Variants in COL5A2 observed in about 807,000 individuals in gnomAD.
COL5A2 encodes collagen type V alpha 2 chain.
COL5A2 carries 23 observed loss-of-function variants against 208.2 expected under a neutral mutation model. That is an observed-to-expected ratio of 0.11 (90% CI 0.08 to 0.16). COL5A2 has a LOEUF of 0.16. COL5A2 is among the 10% of genes least tolerant of loss of function. COL5A2 has a pLI of 1.00. For missense variants in COL5A2, 1,590 were observed against 1,956.4 expected (o/e 0.81, Z 3.53); for synonymous variants, 625 against 628.5 (o/e 0.99, Z 0.08).
At chr2:189,178,651 C>G (rs940518598) in intron 1 of COL5A2, among the ~76,000 whole-genome samples, 1 of 143,804 alleles carries the variant, frequency 7.0e-6, no homozygotes, top group Non-Finnish European at 1.5e-5. Flanking sequence ...TATAACCCAA[C>G]TGTAACATAT....
chr2:189,411,020 C>T, the COL5A2 span, among the ~76,000 whole-genome samples: 24 of 152,216 alleles, frequency 1.6e-4, no homozygotes, highest in Non-Finnish European at 1.8e-4. Flanking sequence ...ATTACTCCCT[C>T]CATGTGTCTC....
At chr2:189,290,271 C>T in the COL5A2 span, among the ~76,000 whole-genome samples, 148 of 152,288 alleles carry the variant, frequency 9.7e-4, no homozygotes, top group Middle Eastern at 3.4e-3. Flanking sequence ...GTTTGAACAA[C>T]GACAAAATCA....
Position 189,085,117 on chromosome 2 carries a change from G to A in COL5A2, c.798+43C>T, listed in dbSNP as rs58624621. The A allele has an allele frequency of 1.8e-3, 2,757 of 1,508,712 alleles. 34 individuals are homozygous for A. In the African/African-American group the frequency reaches 0.033, roughly 18 times the overall value. 93.5% of individuals were successfully genotyped at this position (1,508,712 alleles called of 1,614,324 possible). ...TTCTTGTTAACATTTTAACCCCTTC[G>A]CCTCTTCAAAACCTGAATGGAAAAT... On this transcript the variant is annotated intron_variant, in intron 11 of 53. Transcript: ENST00000374866.
chr2:189,385,140 C>A, the COL5A2 span, among the ~76,000 whole-genome samples: 110 of 152,032 alleles, frequency 7.2e-4, no homozygotes, highest in Admixed American at 7.1e-3. Context: ...ACTAACCTCA[C>A]CAATCAGGCA....
chr2:189,389,650 G>T, the COL5A2 span, among the ~76,000 whole-genome samples: 2 of 152,182 alleles, frequency 1.3e-5, no homozygotes, highest in East Asian at 3.9e-4. Context: ...ATCTGTAAAG[G>T]AGTTGTGACA....
At chr2:189,255,434 A>G in the COL5A2 span, among the ~76,000 whole-genome samples, 1 of 152,140 alleles carries the variant, frequency 6.6e-6, no homozygotes, top group African/African-American at 2.4e-5. Context: ...CAACCCCAAC[A>G]TCCAAAATCT....
intron 17 of COL5A2, 110 bp from the exon 18 acceptor site, chr2:189,072,203 C>T (rs1686290661): frequency 2.8e-6 from 2 of 715,354 alleles, no homozygotes; most frequent in East Asian, 2.7e-5. Flanking sequence ...GAATAACCTG[C>T]CTTTCACTTT....
intron 24 of COL5A2, 43 bp from the exon 25 acceptor site, chr2:189,064,698 A>C: frequency 7.4e-7 from 1 of 1,354,738 alleles, no homozygotes; most frequent in Non-Finnish European, 1.1e-6. Context: ...AAGAGTATAG[A>C]AAAACAAAAG....
chr2:189,051,973 A>G (rs1277083878), intron 41 of COL5A2, among the ~76,000 whole-genome samples, 199 bp downstream of exon 41: 1 of 152,234 alleles, frequency 6.6e-6, no homozygotes, highest in African/African-American at 2.4e-5. Flanking sequence ...GAACTTGCAA[A>G]TTAGCTCCTC....
chr2:189,421,809 G>A, the COL5A2 span, among the ~76,000 whole-genome samples: 46 of 151,504 alleles, frequency 3.0e-4, no homozygotes, highest in East Asian at 8.5e-3. Flanking sequence ...AGCAGCTGTG[G>A]GCTTCACAGT....
At chr2:189,080,913 G>A (rs1686519640) in intron 13 of COL5A2, 77 bp downstream of exon 13, 1 of 1,202,778 alleles carries the variant, frequency 8.3e-7, no homozygotes, top group Admixed American at 1.7e-5. Flanking sequence ...GACTTGTAAA[G>A]ATTTTGAAGG....
the COL5A2 span, among the ~76,000 whole-genome samples, chr2:189,290,517 G>C: frequency 6.6e-6 from 1 of 152,034 alleles, no homozygotes; most frequent in African/African-American, 2.4e-5. Context: ...TTATACATTG[G>C]GTTTTGTGAC....
the COL5A2 span, among the ~76,000 whole-genome samples, chr2:189,353,884 C>T: frequency 6.6e-6 from 1 of 152,130 alleles, no homozygotes; most frequent in Non-Finnish European, 1.5e-5. Flanking sequence ...AAAGGGAATG[C>T]TTCCAGTTTT....
chr2:189,389,461 T>A, the COL5A2 span, among the ~76,000 whole-genome samples: 3 of 152,138 alleles, frequency 2.0e-5, no homozygotes, highest in African/African-American at 7.2e-5. Flanking sequence ...GGCAAAAATT[T>A]TAGGAGTTTT....
the COL5A2 span, among the ~76,000 whole-genome samples, chr2:189,378,485 G>A: frequency 1.3e-5 from 2 of 152,298 alleles, no homozygotes; most frequent in South Asian, 4.1e-4. Flanking sequence ...AGCACTTTGG[G>A]AGGCCGAGGC....
chr2:189,232,903 T>C, the COL5A2 span, among the ~76,000 whole-genome samples: 1 of 151,740 alleles, frequency 6.6e-6, no homozygotes, highest in Non-Finnish European at 1.5e-5. Flanking sequence ...TTTCTTATGC[T>C]TATGAGAAAT....
intron 1 of COL5A2, among the ~76,000 whole-genome samples, chr2:189,184,902 A>G (rs1405938429): frequency 6.6e-6 from 1 of 152,210 alleles, no homozygotes; most frequent in Non-Finnish European, 1.5e-5. Flanking sequence ...ATGATATAAG[A>G]TTAGACACGA....
upstream of COL5A2, among the ~76,000 whole-genome samples, chr2:189,225,622 AG>A (rs1334073608): frequency 6.6e-6 from 1 of 152,136 alleles, no homozygotes; most frequent in Non-Finnish European, 1.5e-5. Context: ...AGTATTTTGG[AG>A]AAAAATAGTT....
intron 1 of COL5A2, among the ~76,000 whole-genome samples, chr2:189,120,079 A>T (rs1687470277): frequency 6.6e-6 from 1 of 152,156 alleles, no homozygotes; most frequent in Non-Finnish European, 1.5e-5. Context: ...AATCCATTTA[A>T]TCGATAGTTA....
Sources: allele counts gnomAD v4.1 joint callset (sites outside exome capture counted in the v4.1 genomes callset), GRCh38; gene constraint gnomAD v4.1.1; transcripts MANE v1.5; gene names NCBI Gene and HGNC (gene_info 2026-07-23, HGNC 2026-07-21).